TOX2: variants seen among roughly 807,000 people sequenced by gnomAD.
The protein encoded by TOX2 is TOX high mobility group box family member 2.
TOX2 carries 15 observed loss-of-function variants against 47.4 expected under a neutral mutation model. That is an observed-to-expected ratio of 0.32 (90% confidence interval 0.21 to 0.49). The LOEUF is 0.49. Among genes scored for constraint, TOX2 ranks in the 20% least tolerant of loss-of-function variants. The pLI is 0.99. For missense variants in TOX2, 622 were observed against 673.1 expected (o/e 0.92, Z 0.84); for synonymous variants, 290 against 296.6 (o/e 0.98, Z 0.23).
intron 1 of TOX2, among the ~76,000 whole-genome samples, chr20:43,951,972 C>G (rs958620907): frequency 1.3e-5 from 2 of 151,966 alleles, no homozygotes; most frequent in African/African-American, 4.8e-5. Context: ...TCTTGGCTCA[C>G]TGCAACCTCC....
chr20:43,999,367 A>C (rs986544686), intron 2 of TOX2, among the ~76,000 whole-genome samples: 1 of 152,178 alleles, frequency 6.6e-6, no homozygotes, highest in Non-Finnish European at 1.5e-5. Flanking sequence ...ACAAATATTT[A>C]ATAAATTAAT....
chr20:43,951,495 C>G (rs951488845), intron 1 of TOX2, among the ~76,000 whole-genome samples: 1 of 151,758 alleles, frequency 6.6e-6, no homozygotes, highest in African/African-American at 2.4e-5. Context: ...GAGAATCACT[C>G]GAACCCAGGA....
intron 2 of TOX2, among the ~76,000 whole-genome samples, chr20:43,987,912 CTTTTTTTTTTTT>C (rs762084312): frequency 1.8e-3 from 124 of 69,986 alleles, no homozygotes; most frequent in Non-Finnish European, 2.7e-3. Context: ...ATATCAACAT[CTTTTTTTTTTTT>C]TTTTTTTTTT....
intron 3 of TOX2, among the ~76,000 whole-genome samples, chr20:44,021,525 C>G (rs2070975372): frequency 6.6e-6 from 1 of 152,188 alleles, no homozygotes; most frequent in Non-Finnish European, 1.5e-5. Flanking sequence ...CCCTTTTTGT[C>G]TGCCTTGTGA....
intron 1 of TOX2, among the ~76,000 whole-genome samples, chr20:43,918,322 A>G (rs73287074): frequency 0.013 from 1,969 of 152,294 alleles, 37 homozygotes; most frequent in African/African-American, 0.045. Context: ...TTTTACTGAG[A>G]TGTGATTTAC....
rs568509069 is a variant in TOX2, at chr20:43,935,238, T to A, written c.99+20248T>A. On this transcript the variant is annotated intron_variant, in intron 1 of 8. Coordinates refer to ENST00000341197, the MANE Select transcript of TOX2 (RefSeq NM_001098797.2). ...TCTGTCCCCACCTCTGTGGCCTGAG[T>A]TTTCTCTCCCAGTCAAAGCTGGGAA... 4.5e-4 allele frequency among the ~76,000 whole-genome samples: 69 copies of A among 152,092 alleles called. 2 individuals carry two copies. In the South Asian group the frequency reaches 0.013, roughly 29 times the overall value.
chr20:44,044,168 A>G (rs2071377753), intron 3 of TOX2, among the ~76,000 whole-genome samples: 1 of 152,234 alleles, frequency 6.6e-6, no homozygotes, highest in African/African-American at 2.4e-5. Context: ...TTGGCAAACT[A>G]TCGCAAGAAC....
At chr20:44,049,084 C>A (rs191800049) in intron 3 of TOX2, among the ~76,000 whole-genome samples, 1 of 152,180 alleles carries the variant, frequency 6.6e-6, no homozygotes, top group Non-Finnish European at 1.5e-5. Flanking sequence ...CTCCAGCCTG[C>A]GCGATGCAGC....
intron 1 of TOX2, among the ~76,000 whole-genome samples, chr20:43,927,458 AACACACACACACACAC>A (rs34410581): frequency 0.024 from 3,140 of 131,430 alleles, 79 homozygotes; most frequent in Admixed American, 0.056. Flanking sequence ...TGATCTATAT[AACACACACACACACAC>A]ACACACACAC....
At chr20:44,033,254 T>C (rs1173750821) in intron 3 of TOX2, among the ~76,000 whole-genome samples, 4 of 151,984 alleles carry the variant, frequency 2.6e-5, no homozygotes, top group African/African-American at 9.7e-5. Context: ...ATTTTTTTTT[T>C]CCAAAAAGGA....
At chr20:44,044,034 C>T (rs2071375126) in intron 3 of TOX2, among the ~76,000 whole-genome samples, 2 of 152,210 alleles carry the variant, frequency 1.3e-5, no homozygotes, top group Non-Finnish European at 2.9e-5. Context: ...ACCCAAATGT[C>T]CATCAGTGAT....
At chr20:43,933,951 G>T (rs2069289268) in intron 1 of TOX2, among the ~76,000 whole-genome samples, 1 of 152,102 alleles carries the variant, frequency 6.6e-6, no homozygotes, top group Non-Finnish European at 1.5e-5. Context: ...CTCCGATGTG[G>T]ACTCTGCTGT....
chr20:44,051,304 A>G lies in TOX2; in HGVS notation c.412-2A>G, dbSNP rs765150020. 1 of 1,602,802 alleles carries G rather than the reference A, an allele frequency of 6.2e-7. No individual in the cohort carries two copies. Among genetic ancestry groups the G allele is most frequent in the South Asian group, 1.1e-5 (1 of 90,184 alleles). The stretch of plus-strand genomic sequence containing the variant: ...CTCAACCCTCCTGTCCTCCTCTCTT[A>G]GATCCAGGAGATGGTCCACTCGGAA... On this transcript the variant is annotated splice_acceptor_variant, in intron 3 of 8. Transcript: ENST00000341197. LOFTEE classifies it high-confidence loss of function.
intron 1 of TOX2, among the ~76,000 whole-genome samples, chr20:43,951,707 G>GTGTTTTTTTTTTTTT (rs2069570989): frequency 3.6e-5 from 2 of 55,098 alleles, no homozygotes; most frequent in African/African-American, 1.1e-4. Context: ...AACTTATTAT[G>GTGTTTTTTTTTTTTT]TTTTTTTTTT....
At chr20:44,003,704 C>G (rs1214540151) in intron 2 of TOX2, among the ~76,000 whole-genome samples, 1 of 152,076 alleles carries the variant, frequency 6.6e-6, no homozygotes, top group South Asian at 2.1e-4. Flanking sequence ...TAAACAAAAC[C>G]TATTGTGGAG....
At chr20:43,918,547 G>T (rs1032652120) in intron 1 of TOX2, among the ~76,000 whole-genome samples, 6 of 152,014 alleles carry the variant, frequency 3.9e-5, no homozygotes, top group African/African-American at 1.2e-4. Flanking sequence ...TTCAATTTAG[G>T]TATATTAACC....
intron 1 of TOX2, among the ~76,000 whole-genome samples, chr20:43,972,051 C>G (rs1403074334): frequency 6.6e-6 from 1 of 152,168 alleles, no homozygotes; most frequent in Non-Finnish European, 1.5e-5. Flanking sequence ...TGGCTGTTTG[C>G]TATTGGTGCC....
intron 1 of TOX2, among the ~76,000 whole-genome samples, chr20:43,925,204 T>G (rs1350132926): frequency 6.6e-6 from 1 of 152,202 alleles, no homozygotes; most frequent in East Asian, 1.9e-4. Context: ...TGCTGATATT[T>G]TCTACAAATG....
intron 1 of TOX2, among the ~76,000 whole-genome samples, chr20:43,947,645 C>T (rs895166892): frequency 6.6e-6 from 1 of 152,188 alleles, no homozygotes; most frequent in African/African-American, 2.4e-5. Flanking sequence ...TGGTCACTTC[C>T]ATGGGTTCTT....
Sources: allele counts gnomAD v4.1 joint callset (sites outside exome capture counted in the v4.1 genomes callset), GRCh38; gene constraint gnomAD v4.1.1; transcripts MANE v1.5; gene names NCBI Gene and HGNC (gene_info 2026-07-23, HGNC 2026-07-21).